Variants in TEX11 observed in about 807,000 individuals in gnomAD.
The protein encoded by TEX11 is testis expressed 11.
Under a neutral mutation model 84.4 loss-of-function variants are expected in TEX11, and 7 were observed. That is an observed-to-expected ratio of 0.08 (90% confidence interval 0.05 to 0.16). The LOEUF (loss-of-function observed/expected upper bound fraction) is 0.16, where lower values mean the gene tolerates loss of function less well. Ranked by LOEUF, TEX11 falls within the 10% of genes least tolerant of loss-of-function variation. TEX11 has a pLI of 1.00. For missense variants in TEX11, 551 were observed against 660.5 expected (o/e 0.83, Z 1.82); for synonymous variants, 264 against 222.8 (o/e 1.18, Z -1.64).
At chrX:70,564,601 G>A (rs2088429627) in intron 25 of TEX11, among the ~76,000 whole-genome samples, 1 of 91,597 alleles carries the variant, frequency 1.1e-5, no homozygotes, top group African/African-American at 4.2e-5. Flanking sequence ...TCCCCTTCCT[G>A]TGTCCATGTA....
In TEX11 at chrX:70,678,960, C is replaced by G. The variant is rs777577203; in HGVS notation, c.1157-71G>C. On this transcript the variant is annotated intron_variant, in intron 14 of 29. Transcript: ENST00000374333. The stretch of plus-strand genomic sequence containing the variant: ...TCTCCCTCTCCCTCTCCCTCTCCCT[C>G]TCCCTCTCCCCACGGTCTCCCTCTC... The G allele has an allele frequency of 5.4e-3, 4,467 of 829,291 alleles. 8 individuals are homozygous for G. The highest frequency in any genetic ancestry group is 7.1e-3 in the Non-Finnish European group (4,184 of 590,081). The allele number at this position is 829,291 out of a possible 1,213,427, so 68.3% of individuals were successfully genotyped here.
At chrX:70,780,034 A>G (rs2091027736) in intron 9 of TEX11, among the ~76,000 whole-genome samples, 1 of 111,515 alleles carries the variant, frequency 9.0e-6, no homozygotes, top group South Asian at 3.8e-4. Context: ...TGGGAGGCCG[A>G]GGTGTGCAGA....
At chrX:70,865,172 C>T (rs767512834) in intron 4 of TEX11, among the ~76,000 whole-genome samples, 5 of 111,430 alleles carry the variant, frequency 4.5e-5, no homozygotes, top group East Asian at 2.8e-4. Flanking sequence ...CAGAGACACA[C>T]ATAGGCTCAA....
At chrX:70,808,492 G>C (rs777065184) in intron 8 of TEX11, among the ~76,000 whole-genome samples, 1 of 108,269 alleles carries the variant, frequency 9.2e-6, no homozygotes, top group South Asian at 4.0e-4. Context: ...AACAGAGAGA[G>C]ATTCCATCTC....
chrX:70,600,077 T>C (rs1201181686), intron 24 of TEX11, among the ~76,000 whole-genome samples: 3 of 111,264 alleles, frequency 2.7e-5, no homozygotes, highest in Admixed American at 9.5e-5. Flanking sequence ...TAGTTCTAGA[T>C]CCCTGAGGAA....
chrX:70,740,813 AAG>A lies in TEX11; in HGVS notation c.748-19_748-18del. ...AACTTTAGCCTGTAAGAAAAAAAAA[AAG>A]AAAAAAAGCACATATCTGATGGTTA... On this transcript the variant is annotated intron_variant, in intron 10 of 29. Coordinates refer to ENST00000374333, the MANE Select transcript of TEX11 (RefSeq NM_031276.3). 9.1e-7 allele frequency: 1 copy of A among 1,098,906 alleles called. No homozygotes were observed. The highest frequency in any genetic ancestry group is 1.2e-6 in the Non-Finnish European group (1 of 813,662). 90.6% of individuals were successfully genotyped at this position (1,098,906 alleles called of 1,213,427 possible).
At chrX:70,832,474 G>A (rs1440988580) in intron 8 of TEX11, among the ~76,000 whole-genome samples, 1 of 111,957 alleles carries the variant, frequency 8.9e-6, no homozygotes, top group Admixed American at 9.5e-5. Context: ...TTAAAGCCTA[G>A]AAGAATGTCT....
intron 8 of TEX11, among the ~76,000 whole-genome samples, chrX:70,829,801 T>C (rs1350424294): frequency 6.4e-5 from 7 of 109,563 alleles, no homozygotes; most frequent in Non-Finnish European, 1.3e-4. Context: ...TAATGGATTA[T>C]AAGATAGCAT....
intron 9 of TEX11, among the ~76,000 whole-genome samples, chrX:70,752,895 T>C (rs2090839224): frequency 9.1e-6 from 1 of 110,274 alleles, no homozygotes; most frequent in Non-Finnish European, 1.9e-5. Context: ...TGCTGTATGC[T>C]GGGGGAAGGA....
intron 17 of TEX11, 111 bp from the exon 18 acceptor site, chrX:70,629,846 AAATGTTAGTATTCATAAAGT>A: frequency 3.2e-6 from 2 of 625,782 alleles, no homozygotes; most frequent in South Asian, 7.2e-5. Flanking sequence ...AACATTTTTA[AAATGTTAGTATTCATAAAGT>A]AATGTGAGTT....
intron 15 of TEX11, chrX:70,672,963 C>T (rs774941115): frequency 3.4e-4 from 41 of 120,071 alleles, no homozygotes; most frequent in African/African-American, 1.2e-3. Context: ...TGGTCCTTAC[C>T]GGCTTCACGA....
chrX:70,830,709 A>C (rs2147830664), intron 8 of TEX11, among the ~76,000 whole-genome samples: 1 of 111,669 alleles, frequency 9.0e-6, no homozygotes, highest in South Asian at 3.7e-4. Context: ...GTATGTGAAA[A>C]AATGCTCAAC....
At chrX:70,612,573 A>AG (rs1168506930) in intron 20 of TEX11, among the ~76,000 whole-genome samples, 1 of 1,106 alleles carries the variant, frequency 9.0e-4, no homozygotes, top group Non-Finnish European at 1.9e-3. Context: ...AACAAAGCTG[A>AG]GGAAAAAAAA....
intron 13 of TEX11, among the ~76,000 whole-genome samples, chrX:70,692,695 C>T (rs1208117288): frequency 3.7e-5 from 4 of 109,014 alleles, no homozygotes. Context: ...ATATATATAT[C>T]ACATTTTGCT....
At chrX:70,750,134 A>G (rs1242167836) in intron 9 of TEX11, among the ~76,000 whole-genome samples, 1 of 112,126 alleles carries the variant, frequency 8.9e-6, no homozygotes, top group African/African-American at 3.2e-5. Flanking sequence ...ACACTTCTCA[A>G]AAGAAGACAT....
chrX:70,578,006 G>T (rs767473967), intron 25 of TEX11, among the ~76,000 whole-genome samples: 1 of 111,590 alleles, frequency 9.0e-6, no homozygotes, highest in South Asian at 3.8e-4. Context: ...GGGATTACAG[G>T]TGTGAGCCAC....
intron 8 of TEX11, among the ~76,000 whole-genome samples, chrX:70,813,799 C>T (rs2091271446): frequency 1.8e-5 from 2 of 111,571 alleles, no homozygotes; most frequent in African/African-American, 6.5e-5. Context: ...TTCTTATACA[C>T]CAATAACAGA....
At chrX:70,697,971 A>C (rs1161611381) in intron 13 of TEX11, among the ~76,000 whole-genome samples, 1 of 111,522 alleles carries the variant, frequency 9.0e-6, no homozygotes, top group East Asian at 2.8e-4. Flanking sequence ...TTATTTATTT[A>C]TTTCTGAAGA....
intron 14 of TEX11, 103 bp from the exon 15 acceptor site, chrX:70,678,992 T>C (rs28544942): frequency 2.4e-5 from 15 of 632,381 alleles, no homozygotes; most frequent in Non-Finnish European, 3.6e-5. Context: ...TCTCCCTCTC[T>C]CCACGGTCTC....
Sources: allele counts gnomAD v4.1 joint callset (sites outside exome capture counted in the v4.1 genomes callset), GRCh38; gene constraint gnomAD v4.1.1; transcripts MANE v1.5; gene names NCBI Gene and HGNC (gene_info 2026-07-23, HGNC 2026-07-21).